The following ASPSCR1 variants were observed in gnomAD, a reference collection of about 807,000 sequenced individuals.
The protein encoded by ASPSCR1 is tether containing UBX domain for GLUT4.
A neutral mutation model predicts 68.9 loss-of-function variants in ASPSCR1; 55 were observed. That is an observed-to-expected ratio of 0.80 (90% confidence interval 0.64 to 1.00). The LOEUF (loss-of-function observed/expected upper bound fraction) is 1.00, where lower values mean the gene tolerates loss of function less well. Among genes scored for constraint, ASPSCR1 ranks in the 50% least tolerant of loss-of-function variants. ASPSCR1 has a pLI of 0.00. For synonymous variants in ASPSCR1, 352 were observed against 332.6 expected, an observed-to-expected ratio of 1.06 and a Z score of -0.63; for missense variants, 765 against 762.2, an observed-to-expected ratio of 1.00 and a Z score of -0.04.
intron 4 of ASPSCR1, among the ~76,000 whole-genome samples, chr17:81,994,492 G>GC (rs1185531327): frequency 2.0e-5 from 3 of 152,200 alleles, no homozygotes; most frequent in African/African-American, 7.2e-5. Flanking sequence ...AGTGCTGCTC[G>GC]CCCCTCCTGT....
chr17:81,977,664 CG>C lies in ASPSCR1; in HGVS notation c.20del (p.Gly7AlafsTer18). On this transcript the variant is annotated frameshift_variant, in exon 1 of 16. Transcript: ENST00000306739. LOFTEE classifies it high-confidence loss of function. This position sits in a 1 kb window ranked among gnomAD's most constrained non-coding sequence, Gnocchi z 5.0. The stretch of plus-strand genomic sequence containing the variant: ...AGCGGAAAATGGCGGCCCCGGCAGG[CG>C]GCGGAGGCTCCGCGGTGTCGGTGCT... MAAPAGGGGSAVSVLAP... is the reference protein window; with the variant it reads MAAPAGXGGSAVSVLAP... The C allele has an allele frequency of 2.9e-6, 4 of 1,396,836 alleles. No individual in the cohort carries two copies. The highest frequency in any genetic ancestry group is 2.0e-4 in the Middle Eastern group (1 of 4,978). The allele number at this position is 1,396,836 out of a possible 1,614,324, so 86.5% of individuals were successfully genotyped here. A position where few individuals can be genotyped will look rare whatever the true frequency, so the allele number is the denominator to read the frequency against.
In ASPSCR1 at chr17:81,987,801, C is replaced by T. The variant is rs548841432; in HGVS notation, c.374+2194C>T. On this transcript the variant is annotated intron_variant, in intron 4 of 15. Coordinates refer to ENST00000306739, the MANE Select transcript of ASPSCR1 (RefSeq NM_024083.4). This position sits in a 1 kb window ranked among gnomAD's most constrained non-coding sequence, Gnocchi z 5.6. ...GGAGGAGGTTGCAGTGAGCCGAGATCGCACCATTGCACTCTAGCCTGGGTG... is the reference window on the plus strand; with the variant it reads ...GGAGGAGGTTGCAGTGAGCCGAGATTGCACCATTGCACTCTAGCCTGGGTG... 2.0e-5 allele frequency among the ~76,000 whole-genome samples: 3 copies of T among 150,912 alleles called. No individual in the cohort carries two copies. Among genetic ancestry groups the T allele is most frequent in the Non-Finnish European group, 3.0e-5 (2 of 67,704 alleles).
At chr17:81,998,588 C>T (rs1390714625) in intron 7 of ASPSCR1, among the ~76,000 whole-genome samples, 1 of 152,170 alleles carries the variant, frequency 6.6e-6, no homozygotes, top group Non-Finnish European at 1.5e-5. Flanking sequence ...AACTTTCTGA[C>T]ATTTAAAAAA....
chr17:81,991,017 G>A (rs1184215601), intron 4 of ASPSCR1, among the ~76,000 whole-genome samples: 1 of 152,162 alleles, frequency 6.6e-6, no homozygotes, highest in Non-Finnish European at 1.5e-5. Context: ...TGAGCTGCTG[G>A]GAGCAGGAAG....
rs1027493431 is a variant in ASPSCR1, at chr17:81,977,777, T to C, written c.102+29T>C. The C allele has an allele frequency of 4.1e-6, 5 of 1,209,732 alleles. No homozygotes were observed. The highest frequency in any genetic ancestry group is 3.2e-5 in the African/African-American group (2 of 63,064). 74.9% of individuals were successfully genotyped at this position (1,209,732 alleles called of 1,614,324 possible). A position where few individuals can be genotyped will look rare whatever the true frequency, so the allele number is the denominator to read the frequency against. ...CGGCCGCCCGCCCGGGGCGGACGGG[T>C]AGGCGGGCGGGGGGCGCTGCGCCGA... is the stretch of plus-strand genomic sequence containing the variant. On this transcript the variant is annotated intron_variant, in intron 1 of 15. Coordinates refer to ENST00000306739, the MANE Select transcript of ASPSCR1 (RefSeq NM_024083.4). This position sits in a 1 kb window ranked among gnomAD's most constrained non-coding sequence, Gnocchi z 5.0.
intron 7 of ASPSCR1, among the ~76,000 whole-genome samples, chr17:82,000,466 C>A (rs866612518): frequency 6.6e-6 from 1 of 152,180 alleles, no homozygotes; most frequent in African/African-American, 2.4e-5. Context: ...GCCAGCCGCA[C>A]ACGCAGAGGG....
intron 5 of ASPSCR1, chr17:81,995,151 G>A (rs1035458931): frequency 6.0e-6 from 3 of 502,314 alleles, no homozygotes; most frequent in Admixed American, 3.8e-5. Context: ...TGCTTTGCTC[G>A]GTGTTTTGAT....
chr17:81,987,419 G>T lies in ASPSCR1; in HGVS notation c.374+1812G>T, dbSNP rs1326723138. Among the ~76,000 whole-genome samples, 1 of 152,210 alleles carries T rather than the reference G, an allele frequency of 6.6e-6. No homozygotes were observed. Among genetic ancestry groups the T allele is most frequent in the African/African-American group, 2.4e-5 (1 of 41,462 alleles). On this transcript the variant is annotated intron_variant, in intron 4 of 15. Transcript: ENST00000306739. The surrounding 1 kb of genome is among the most constrained non-coding windows in gnomAD (Gnocchi z 5.6). ...GGAACAGAAGTCAGGAAAGATGAAC[G>T]TCTGGAAGGAAATGCCCCTGGGCCG...
intron 3 of ASPSCR1, among the ~76,000 whole-genome samples, chr17:81,984,344 G>T (rs558556029): frequency 1.3e-4 from 20 of 152,156 alleles, no homozygotes; most frequent in African/African-American, 4.1e-4. Context: ...TTAGGAGGCC[G>T]AGGCGGGCAG....
At chr17:82,016,191 G>A in intron 12 of ASPSCR1, 1 of 473,884 alleles carries the variant, frequency 2.1e-6, no homozygotes, top group Non-Finnish European at 3.8e-6. Context: ...AGAGGAGGGA[G>A]GACGGTGATG....
rs73356117 is a variant in ASPSCR1, at chr17:81,985,949, C to A, written c.374+342C>A. ...GGGGCAGGGCTCCCCATGCTTGATT[C>A]CCCTGGATGGGATCATAAGGTCTCT... On this transcript the variant is annotated intron_variant, in intron 4 of 15. Coordinates refer to ENST00000306739, the MANE Select transcript of ASPSCR1 (RefSeq NM_024083.4). Among the ~76,000 whole-genome samples the A allele has an allele frequency of 5.8e-3, 880 of 152,182 alleles. 5 individuals carry two copies. The highest frequency in any genetic ancestry group is 0.02 in the African/African-American group (814 of 41,502).
rs755570961 is a variant in ASPSCR1 at position 82,010,767 on chromosome 17, GC to G, written c.1171-33del. On this transcript the variant is annotated intron_variant, in intron 9 of 15. Transcript: ENST00000306739. Reference sequence around the variant, plus strand: ...CGCCCTGGTCCCTGGTGCAGCTCCGGCCGTCCCTCCAACCCTTCCACTTGTC... The same window carrying G: ...CGCCCTGGTCCCTGGTGCAGCTCCGGCGTCCCTCCAACCCTTCCACTTGTC... The G allele has an allele frequency of 1.9e-6, 3 of 1,602,722 alleles. No individual in the cohort carries two copies. The Admixed American group carries it at 5.0e-5, about 27-fold the overall frequency.
In ASPSCR1 at chr17:81,983,646, G is replaced by A; in HGVS notation, c.251G>A (p.Ser84Asn). 6.2e-7 allele frequency: 1 copy of A among 1,612,584 alleles called. No individual in the cohort carries two copies. The highest frequency in any genetic ancestry group is 8.5e-7 in the Non-Finnish European group (1 of 1,179,600). The change falls in exon 3 of 16, where the codon AGC becomes AAC. Residue 84 changes from serine to asparagine, a missense_variant. Coordinates refer to ENST00000306739, the MANE Select transcript of ASPSCR1 (RefSeq NM_024083.4). The surrounding 1 kb of genome is among the most constrained non-coding windows in gnomAD (Gnocchi z 4.4). ...AKLEMVPASR[S>N]REGPENMVRI... ...CTGGAGATGGTGCCCGCTTCCCGGA[G>A]CCGTGAGGGGCCTGAGAACATGGTG...
intron 12 of ASPSCR1, chr17:82,015,722 C>G (rs941668250): frequency 9.8e-6 from 3 of 305,098 alleles, no homozygotes; most frequent in East Asian, 1.4e-4. Flanking sequence ...GGAGCATGCT[C>G]TCCATCTGGG....
intron 12 of ASPSCR1, chr17:82,015,954 G>C: frequency 6.0e-6 from 1 of 165,382 alleles, no homozygotes; most frequent in Non-Finnish European, 1.3e-5. Context: ...CTGAGGTTTC[G>C]GCGTTCCTGG....
intron 12 of ASPSCR1, 189 bp from the exon 13 acceptor site, chr17:82,016,287 C>T (rs989263748): frequency 5.6e-5 from 33 of 591,316 alleles, no homozygotes; most frequent in South Asian, 1.7e-4. Context: ...GGTCCCAGGA[C>T]GCCCTGGCCT....
rs546632703 is a variant in ASPSCR1, at chr17:81,996,445, G to A, written c.532G>A (p.Val178Met). ...GTTTGTCATGAAGTGCTACGACCCC[G>A]TGGGCAAGACCCCAGGAAGCCTGGG... The part of the protein sequence containing the change: ...IRFVMKCYDP[V>M]GKTPGSLGSS... Residue 178 changes from valine (V) to methionine (M), a missense_variant, in exon 7 of 16, where the codon GTG becomes ATG. Coordinates refer to ENST00000306739, the MANE Select transcript of ASPSCR1 (RefSeq NM_024083.4). 18 of 1,600,934 alleles carry A rather than the reference G, an allele frequency of 1.1e-5. No individual in the cohort carries two copies. The highest frequency in any genetic ancestry group is 6.7e-5 in the East Asian group (3 of 44,582).
chr17:81,979,008 C>T (rs1412504037), intron 1 of ASPSCR1, among the ~76,000 whole-genome samples, 176 bp from the exon 2 acceptor site: 1 of 152,166 alleles, frequency 6.6e-6, no homozygotes, highest in African/African-American at 2.4e-5. Context: ...ACAGGATTTG[C>T]AGGTGAGAGC....
At chr17:82,015,319 G>A (rs773266415) in intron 12 of ASPSCR1, 110 of 1,597,986 alleles carry the variant, frequency 6.9e-5, no homozygotes, top group Non-Finnish European at 8.6e-5. Flanking sequence ...GATCCCTCCC[G>A]AGTCAAGGCT....
Sources: allele counts gnomAD v4.1 joint callset (sites outside exome capture counted in the v4.1 genomes callset), GRCh38; gene constraint gnomAD v4.1.1; non-coding constraint Gnocchi (gnomAD v3.1); transcripts MANE v1.5; gene names NCBI Gene and HGNC (gene_info 2026-07-23, HGNC 2026-07-21).